DIPK2A: variants seen among roughly 807,000 people sequenced by gnomAD.
The protein encoded by DIPK2A is Golgi Protein of 49 kDa.
In DIPK2A, 27 loss-of-function variants were observed where a neutral mutation model predicts 39.0. The observed-to-expected ratio is 0.69, with a 90% CI of 0.51 to 0.96. The LOEUF is 0.96. Ranked by LOEUF, DIPK2A falls within the 40% of genes least tolerant of loss-of-function variation. The pLI, the probability that DIPK2A is intolerant of heterozygous loss-of-function variation, is 0.00. For synonymous variants in DIPK2A, 298 were observed against 240.8 expected (o/e 1.24, Z -2.20); for missense variants, 528 against 571.3 (o/e 0.92, Z 0.77).
At position 143,989,551 on chromosome 3, in the gene DIPK2A, G is replaced by A. The variant is rs1157948306; in HGVS notation, c.1003G>A (p.Asp335Asn). The A allele has an allele frequency of 6.2e-7, 1 of 1,614,128 alleles. No individual in the cohort carries two copies. The highest frequency in any genetic ancestry group is 1.1e-5 in the South Asian group (1 of 91,080). Reference protein sequence around the residue: ...NWDVWYESKFDDCDKEACLSF... With the variant: ...NWDVWYESKFNDCDKEACLSF... The stretch of plus-strand genomic sequence containing the variant: ...GGATGTATGGTATGAAAGCAAGTTT[G>A]ATGACTGTGATAAGGAGGCTTGCTT... Residue 335 changes from aspartate to asparagine, a missense_variant, in exon 3 of 3, where the codon GAT becomes AAT. Physicochemically the swap from Asp to Asn is conservative, Grantham distance 23 (BLOSUM62 1). Transcript: ENST00000315691.
At chr3:143,978,645 TATATATATATATATCTATATATAG>T (rs1247842258) in intron 1 of DIPK2A, 7 of 42,038 alleles carry the variant, frequency 1.7e-4, no homozygotes, top group African/African-American at 8.9e-4. Context: ...TATATCTATA[TATATATATATATATCTATATATAG>T]ATATATATAT....
chr3:143,988,046 C>T (rs2107848747), intron 2 of DIPK2A, among the ~76,000 whole-genome samples: 1 of 152,188 alleles, frequency 6.6e-6, no homozygotes, highest in Non-Finnish European at 1.5e-5. Flanking sequence ...AAAATCCAAA[C>T]ACCTTAAAGC....
At chr3:143,986,525 C>G (rs1212045206) in intron 2 of DIPK2A, among the ~76,000 whole-genome samples, 1 of 151,944 alleles carries the variant, frequency 6.6e-6, no homozygotes, top group Non-Finnish European at 1.5e-5. Context: ...GAGATCGAGA[C>G]CATCCTGGCT....
At chr3:143,985,490 C>G in intron 1 of DIPK2A, 53 bp from the exon 2 acceptor site, 7 of 1,463,960 alleles carry the variant, frequency 4.8e-6, no homozygotes, top group Non-Finnish European at 6.6e-6. Flanking sequence ...TGAGGATAGA[C>G]CTAGGATATT....
In DIPK2A at chr3:143,985,785, G is replaced by C; in HGVS notation, c.900G>C (p.Gly300=). 8.7e-6 allele frequency: 14 copies of C among 1,614,120 alleles called. No homozygotes were observed. The highest frequency in any genetic ancestry group is 9.3e-6 in the Non-Finnish European group (11 of 1,179,990). ...ATTTTGCAGTTGGTCCTAGAGATGGGAAGGTAATCATTGTGGATGCTGAAA... is the reference window on the plus strand; with the variant it reads ...ATTTTGCAGTTGGTCCTAGAGATGGCAAGGTAATCATTGTGGATGCTGAAA... ...FDNFAVGPRD[G]KVIIVDAENV... The change falls in exon 2 of 3, where the codon GGG becomes GGC. Residue 300 remains glycine, a synonymous_variant. Transcript: ENST00000315691.
In DIPK2A at chr3:143,972,168, C is replaced by T; in HGVS notation, c.-165C>T. 1 of 532,116 alleles carries T rather than the reference C, an allele frequency of 1.9e-6. No individual in the cohort carries two copies. Among genetic ancestry groups the T allele is most frequent in the East Asian group, 3.5e-5 (1 of 28,718 alleles). 33.0% of individuals were successfully genotyped at this position (532,116 alleles called of 1,614,324 possible). A position where few individuals can be genotyped will look rare whatever the true frequency, so the allele number is the denominator to read the frequency against. On this transcript the variant is annotated 5_prime_UTR_variant, in exon 1 of 3. Coordinates refer to ENST00000315691, the MANE Select transcript of DIPK2A (RefSeq NM_173552.5). Reference sequence around the variant, plus strand: ...GCAGCCCGCTCAGGCCCGCGCCTTCCCGCTCCCCGTCTTCCTCTCTCACAC... The same window carrying T: ...GCAGCCCGCTCAGGCCCGCGCCTTCTCGCTCCCCGTCTTCCTCTCTCACAC...
chr3:143,975,285 C>T (rs2087713063), intron 1 of DIPK2A, among the ~76,000 whole-genome samples: 1 of 151,980 alleles, frequency 6.6e-6, no homozygotes, highest in African/African-American at 2.4e-5. Flanking sequence ...TCTTTAGTAC[C>T]AGCCAGTCAT....
intron 2 of DIPK2A, chr3:143,986,050 T>C (rs918684733): frequency 1.8e-6 from 1 of 551,814 alleles, no homozygotes; most frequent in Non-Finnish European, 3.2e-6. Context: ...CCGGTGTCAG[T>C]TGAAAATATT....
At chr3:143,989,355 G>A (rs1328393318) in intron 2 of DIPK2A, among the ~76,000 whole-genome samples, 155 bp from the exon 3 acceptor site, 2 of 152,128 alleles carry the variant, frequency 1.3e-5, no homozygotes, top group Non-Finnish European at 2.9e-5. Context: ...GTGAATGTTT[G>A]TATGAATTTA....
At chr3:143,973,635 C>G (rs1433209217) in intron 1 of DIPK2A, 4 of 1,239,662 alleles carry the variant, frequency 3.2e-6, no homozygotes, top group Non-Finnish European at 4.6e-6. Context: ...CAGCGTTGGA[C>G]TTGGGGCTGG....
In DIPK2A at chr3:143,990,331, G is replaced by C. The variant is rs1226104556; in HGVS notation, c.*490G>C. 2.0e-5 allele frequency: 3 copies of C among 150,284 alleles called. No individual in the cohort carries two copies. The highest frequency in any genetic ancestry group is 7.4e-5 in the African/African-American group (3 of 40,642). The allele number at this position is 150,284 out of a possible 1,614,324, so 9.3% of individuals were successfully genotyped here. On this transcript the variant is annotated 3_prime_UTR_variant, in exon 3 of 3. Coordinates refer to ENST00000315691, the MANE Select transcript of DIPK2A (RefSeq NM_173552.5). ...TTTTTAATTAAATTTTGAAAATTCA[G>C]GTTACTGTAGGTGTTCATTTAAATT...
chr3:143,984,253 G>A (rs1366413097), intron 1 of DIPK2A, among the ~76,000 whole-genome samples: 2 of 152,230 alleles, frequency 1.3e-5, no homozygotes, highest in East Asian at 1.9e-4. Context: ...GTTCACTGGC[G>A]TAGCACTTCT....
chr3:143,971,992 A>T lies in DIPK2A; in HGVS notation c.-341A>T, dbSNP rs1559851260. Reference sequence around the variant, plus strand: ...GCCAGCAGTGCGCGTGCGCGCGGGCACGGGCGCGCGACCGTCGGGTCCCCG... The same window carrying T: ...GCCAGCAGTGCGCGTGCGCGCGGGCTCGGGCGCGCGACCGTCGGGTCCCCG... On this transcript the variant is annotated 5_prime_UTR_variant, in exon 1 of 3. Coordinates refer to ENST00000315691, the MANE Select transcript of DIPK2A (RefSeq NM_173552.5). The T allele has an allele frequency of 7.6e-6, 2 of 263,794 alleles. No individual in the cohort carries two copies. The highest frequency in any genetic ancestry group is 2.2e-5 in the African/African-American group (1 of 45,282). The allele number at this position is 263,794 out of a possible 1,614,324, so 16.3% of individuals were successfully genotyped here.
intron 1 of DIPK2A, among the ~76,000 whole-genome samples, chr3:143,983,036 A>G (rs1456257008): frequency 6.6e-6 from 1 of 152,156 alleles, no homozygotes; most frequent in Non-Finnish European, 1.5e-5. Context: ...AGCTAACTAT[A>G]TATACATGCT....
At position 143,972,921 on chromosome 3, in the gene DIPK2A, C is replaced by T. The variant is rs2087678475; in HGVS notation, c.589C>T (p.Leu197Phe). The T allele has an allele frequency of 1.3e-6, 2 of 1,589,904 alleles. No homozygotes were observed. Among genetic ancestry groups the T allele is most frequent in the Non-Finnish European group, 1.7e-6 (2 of 1,170,382 alleles). The change falls in exon 1 of 3, where the codon CTC becomes TTC. Residue 197 changes from leucine (L) to phenylalanine (F), a missense_variant. Physicochemically the swap from Leu to Phe is conservative, Grantham distance 22 (BLOSUM62 0). Around this residue, in one of 2 missense-constraint regions of DIPK2A, gnomAD observed 309 missense variants for 289.8 expected, o/e 1.07. Coordinates refer to ENST00000315691, the MANE Select transcript of DIPK2A (RefSeq NM_173552.5). Reference sequence around the variant, plus strand: ...CTCGGGCAGCTTCCTGCTTCGCAACCTCAAGGACTCGGAGCGCATGCAGCT... The same window carrying T: ...CTCGGGCAGCTTCCTGCTTCGCAACTTCAAGGACTCGGAGCGCATGCAGCT... ...KDSGSFLLRN[L>F]KDSERMQLLL... is the part of the protein sequence containing the mutation.
At chr3:143,985,397 A>C (rs2087884957) in intron 1 of DIPK2A, 146 bp from the exon 2 acceptor site, 3 of 694,296 alleles carry the variant, frequency 4.3e-6, no homozygotes, top group Non-Finnish European at 7.1e-6. Context: ...GTTAGGAAAA[A>C]ATGAAGTTAA....
rs748672299 is a variant in DIPK2A at position 143,985,879 on chromosome 3, AT to A, written c.961+39del. 1.1e-5 allele frequency: 16 copies of A among 1,507,190 alleles called. No homozygotes were observed. In the South Asian group the frequency reaches 1.6e-4, roughly 15 times the overall value. The allele number at this position is 1,507,190 out of a possible 1,614,324, so 93.4% of individuals were successfully genotyped here. ...TATAATTTTAGATTTTTTTCTACTC[AT>A]TTTTTCCTATGTCAAAATAATGTTT... On this transcript the variant is annotated intron_variant, in intron 2 of 2. Transcript: ENST00000315691.
rs965276207 is a variant in DIPK2A, at chr3:143,972,180, T to A, written c.-153T>A. The stretch of plus-strand genomic sequence containing the variant: ...GGCCCGCGCCTTCCCGCTCCCCGTC[T>A]TCCTCTCTCACACACCTACTCCGCC... On this transcript the variant is annotated 5_prime_UTR_variant, in exon 1 of 3. Coordinates refer to ENST00000315691, the MANE Select transcript of DIPK2A (RefSeq NM_173552.5). 1.7e-6 allele frequency: 1 copy of A among 577,168 alleles called. No homozygotes were observed. The highest frequency in any genetic ancestry group is 4.3e-5 in the Admixed American group (1 of 23,504). The allele number at this position is 577,168 out of a possible 1,614,324, so 35.8% of individuals were successfully genotyped here. A position where few individuals can be genotyped will look rare whatever the true frequency, so the allele number is the denominator to read the frequency against.
At chr3:143,986,692 T>G (rs1424104295) in intron 2 of DIPK2A, among the ~76,000 whole-genome samples, 1 of 136,210 alleles carries the variant, frequency 7.3e-6, no homozygotes, top group Non-Finnish European at 1.5e-5. Flanking sequence ...GCCACTGCAC[T>G]CCAGCCTGGG....
Sources: gnomAD v4.1 joint callset for allele counts (sites outside exome capture counted in the v4.1 genomes callset) on GRCh38, gnomAD v4.1.1 for gene constraint, gnomAD v4.1.1 regional missense constraint, MANE v1.5 for transcripts, NCBI Gene and HGNC (gene_info 2026-07-23, HGNC 2026-07-21) for gene names.